DEAF1: variants seen among roughly 807,000 people sequenced by gnomAD.
The protein encoded by DEAF1 is DEAF1 transcription factor, also known as deformed epidermal autoregulatory factor 1 homolog.
A neutral mutation model predicts 58.9 loss-of-function variants in DEAF1; 53 were observed. The ratio of observed to expected loss-of-function variants is 0.90; its 90% CI spans 0.72 to 1.13. DEAF1 has a LOEUF of 1.13. DEAF1 is among the 50% of genes most tolerant of loss of function. The pLI is 0.00. For missense variants in DEAF1, 685 were observed against 791.4 expected (o/e 0.87, Z 1.61); for synonymous variants, 385 against 340.4 (o/e 1.13, Z -1.44).
chr11:693,039 G>A (rs1266666352), intron 1 of DEAF1, among the ~76,000 whole-genome samples: 5 of 152,182 alleles, frequency 3.3e-5, no homozygotes, highest in Admixed American at 6.5e-5. Context: ...AGGCGGCAGC[G>A]TGTCCTGCTG....
intron 1 of DEAF1, among the ~76,000 whole-genome samples, chr11:701,357 T>C (rs1861459926): frequency 7.6e-6 from 1 of 132,356 alleles, no homozygotes; most frequent in African/African-American, 2.7e-5. Context: ...CCCAGCTAAT[T>C]TTGTTTTGTT....
At chr11:662,696 T>G (rs1222707203) in intron 10 of DEAF1, among the ~76,000 whole-genome samples, 1 of 152,158 alleles carries the variant, frequency 6.6e-6, no homozygotes, top group Non-Finnish European at 1.5e-5. Flanking sequence ...CCACATCTAA[T>G]TCAGAACCAT....
intron 1 of DEAF1, chr11:700,785 T>C: frequency 7.5e-7 from 1 of 1,331,498 alleles, no homozygotes; most frequent in Non-Finnish European, 1.1e-6. Flanking sequence ...AGAGTAATTA[T>C]TTTATAGTGT....
chr11:696,176 C>G (rs1800879639), upstream of DEAF1, among the ~76,000 whole-genome samples: 1 of 152,134 alleles, frequency 6.6e-6, no homozygotes, highest in Non-Finnish European at 1.5e-5. Flanking sequence ...CGCAGGGTTT[C>G]GGTAGCCTTG....
chr11:652,352 C>T (rs181491006), intron 11 of DEAF1, among the ~76,000 whole-genome samples: 50 of 152,194 alleles, frequency 3.3e-4, no homozygotes, highest in African/African-American at 1.2e-3. Flanking sequence ...AAAGATGAAA[C>T]ACAGGCTGGG....
chr11:684,938 G>A lies in DEAF1; in HGVS notation c.830C>T (p.Ala277Val). 6.4e-7 allele frequency: 1 copy of A among 1,551,620 alleles called. No individual in the cohort carries two copies. The highest frequency in any genetic ancestry group is 8.7e-7 in the Non-Finnish European group (1 of 1,147,000). ...IQDGILNPHA[A>V]SCTCAACCDD... is the part of the protein sequence containing the mutation. ...GCAGCAGGCAGCACAGGTGCAAGAG[G>A]CAGCGTGAGGGTTTAAGATCCCATC... Residue 277 changes from alanine to valine, a missense_variant, in exon 6 of 12, where the codon GCC becomes GTC. By Grantham distance (64) the Ala-to-Val change is moderately conservative (BLOSUM62 0). Coordinates refer to ENST00000382409, the MANE Select transcript of DEAF1 (RefSeq NM_021008.4).
intron 10 of DEAF1, among the ~76,000 whole-genome samples, chr11:671,641 G>A (rs1209382021): frequency 3.3e-5 from 5 of 151,188 alleles, no homozygotes. Context: ...GGAGGCTGAG[G>A]CAGGAGGATC....
chr11:695,269 C>A, upstream of DEAF1: 1 of 471,274 alleles, frequency 2.1e-6, no homozygotes, highest in Non-Finnish European at 3.6e-6. Flanking sequence ...CGAGTAGGAG[C>A]CGAACCTGCA....
intron 5 of DEAF1, 96 bp from the exon 6 acceptor site, chr11:685,059 T>C: frequency 2.1e-5 from 13 of 618,580 alleles, no homozygotes; most frequent in East Asian, 3.9e-5. Flanking sequence ...ACCACTTACC[T>C]ACCATTCATA....
At position 648,332 on chromosome 11, in the gene DEAF1, C is replaced by G. The variant is rs545187186; in HGVS notation, c.1594-3678G>C. On this transcript the variant is annotated intron_variant, in intron 11 of 11. Coordinates refer to ENST00000382409, the MANE Select transcript of DEAF1 (RefSeq NM_021008.4). ...GCCTCAGCCTCCCGAGTACCTGGGA[C>G]TACAGGCGCCCACCACCACGCCAAG... is the stretch of plus-strand genomic sequence containing the variant. Among the ~76,000 whole-genome samples the G allele has an allele frequency of 2.0e-5, 3 of 151,886 alleles. No individual in the cohort carries two copies. In the South Asian group the frequency reaches 6.2e-4, roughly 32 times the overall value.
chr11:704,362 T>C, intron 1 of DEAF1: 3 of 1,031,130 alleles, frequency 2.9e-6, no homozygotes, highest in Non-Finnish European at 2.6e-6. Context: ...TGGACAGTCT[T>C]TCCTGCCTGT....
At chr11:702,010 C>T (rs974866714) in intron 1 of DEAF1, among the ~76,000 whole-genome samples, 13 of 152,310 alleles carry the variant, frequency 8.5e-5, no homozygotes, top group Admixed American at 7.2e-4. Flanking sequence ...CCGTGGGGAA[C>T]GCAATGGGCA....
chr11:674,721 C>T lies in DEAF1; in HGVS notation c.1318G>A (p.Ala440Thr), dbSNP rs149746031. The T allele has an allele frequency of 1.0e-4, 168 of 1,613,888 alleles. No homozygotes were observed. Among genetic ancestry groups the T allele is most frequent in the Middle Eastern group, 4.9e-4 (3 of 6,062 alleles). ...GACAGCTCCAGCCCATTGACCAACGCGGGAGGTGCCGCTTTGGTGGGAGTC... is the reference window on the plus strand; with the variant it reads ...GACAGCTCCAGCCCATTGACCAACGTGGGAGGTGCCGCTTTGGTGGGAGTC... ...PPTPTKAAPP[A>T]LVNGLELSEP... The change falls in exon 10 of 12, where the codon GCG becomes ACG. Residue 440 changes from alanine to threonine, a missense_variant. Ala to Thr is a moderately conservative substitution (Grantham distance 58). Around this residue, in one of 3 missense-constraint regions of DEAF1, gnomAD observed 343 missense variants for 379.8 expected, o/e 0.90. Coordinates refer to ENST00000382409, the MANE Select transcript of DEAF1 (RefSeq NM_021008.4).
chr11:682,826 A>G (rs1218058209), intron 6 of DEAF1, among the ~76,000 whole-genome samples: 2 of 152,184 alleles, frequency 1.3e-5, no homozygotes, highest in Non-Finnish European at 2.9e-5. Context: ...CACACTTCCC[A>G]GGAATTTACT....
At position 694,778 on chromosome 11, in the gene DEAF1, G is replaced by A; in HGVS notation, c.270C>T (p.Ala90=). The change falls in exon 1 of 12, where the codon GCC becomes GCT. Residue 90 remains alanine (A), a synonymous_variant. Transcript: ENST00000382409. ...ACTTGCCTGCGAAGGCTGCGGCAGC[G>A]GCGGCCTCGTCGGGGCCGGGCAGGG... ...AEALPGPDEA[A]AAAAFAEVTT... The A allele has an allele frequency of 1.5e-6, 2 of 1,332,766 alleles. No individual in the cohort carries two copies. Among genetic ancestry groups the A allele is most frequent in the Admixed American group, 4.0e-5 (1 of 25,106 alleles). 82.6% of individuals were successfully genotyped at this position (1,332,766 alleles called of 1,614,324 possible). A position where few individuals can be genotyped will look rare whatever the true frequency, so the allele number is the denominator to read the frequency against.
chr11:681,039 A>G lies in DEAF1; in HGVS notation c.921T>C (p.Asn307=). ...TCTTCACGGGAGTTGTGGGCAGTTC[A>G]TTCTCCTTCTTGCGCCTTTTGTAAG... ...FVPYKRRKKE[N]ELPTTPVKKD... Residue 307 remains asparagine, a synonymous_variant, in exon 7 of 12, where the codon AAT becomes AAC. Transcript: ENST00000382409. The G allele has an allele frequency of 6.2e-7, 1 of 1,614,088 alleles. No individual in the cohort carries two copies. The highest frequency in any genetic ancestry group is 8.5e-7 in the Non-Finnish European group (1 of 1,180,014).
chr11:672,625 T>C (rs1174773232), intron 10 of DEAF1, among the ~76,000 whole-genome samples: 4 of 152,166 alleles, frequency 2.6e-5, no homozygotes, highest in Admixed American at 6.5e-5. Flanking sequence ...GGTGGGTGAA[T>C]CACCTGAGGT....
intron 2 of DEAF1, among the ~76,000 whole-genome samples, chr11:689,047 C>G (rs1860715721): frequency 6.6e-6 from 1 of 152,218 alleles, no homozygotes; most frequent in Non-Finnish European, 1.5e-5. Flanking sequence ...CCGGCAAACT[C>G]TGGCCTGCAG....
At chr11:665,582 C>T (rs569660495) in intron 10 of DEAF1, among the ~76,000 whole-genome samples, 1 of 152,314 alleles carries the variant, frequency 6.6e-6, no homozygotes, top group South Asian at 2.1e-4. Context: ...AAAGGGATTT[C>T]ATGCCACATT....
Sources: allele counts gnomAD v4.1 joint callset (sites outside exome capture counted in the v4.1 genomes callset), GRCh38; gene constraint gnomAD v4.1.1; regional missense constraint gnomAD v4.1.1; transcripts MANE v1.5; gene names NCBI Gene and HGNC (gene_info 2026-07-23, HGNC 2026-07-21).